The following ANKRD6 variants were observed in gnomAD, a reference collection of about 807,000 sequenced individuals.
ANKRD6 encodes the protein ankyrin repeat domain-containing protein 6.
A neutral mutation model predicts 82.3 loss-of-function variants in ANKRD6; 56 were observed. That is an observed-to-expected ratio of 0.68 (90% CI 0.55 to 0.85). The LOEUF is 0.85. ANKRD6 is among the 40% of genes least tolerant of loss of function. ANKRD6 has a pLI of 0.00. For missense variants in ANKRD6, 852 were observed against 907.6 expected, an observed-to-expected ratio of 0.94 and a Z score of 0.79; for synonymous variants, 347 against 352.1, an observed-to-expected ratio of 0.99 and a Z score of 0.16.
intron 6 of ANKRD6, among the ~76,000 whole-genome samples, chr6:89,613,427 T>C (rs977319378): frequency 2.0e-5 from 3 of 152,192 alleles, no homozygotes; most frequent in Admixed American, 6.5e-5. Context: ...TAAGTCAGTA[T>C]ACTACTGACC....
chr6:89,628,097 A>G (rs763119592), intron 14 of ANKRD6: 17 of 175,790 alleles, frequency 9.7e-5, no homozygotes, highest in Non-Finnish European at 1.8e-4. Context: ...CTAAGCAACC[A>G]GAAGTACTTG....
chr6:89,480,754 A>C (rs1776687874), intron 1 of ANKRD6, among the ~76,000 whole-genome samples: 1 of 151,226 alleles, frequency 6.6e-6, no homozygotes, highest in African/African-American at 2.4e-5. Context: ...TCTGGGCAAC[A>C]TAGTGAGACC....
intron 1 of ANKRD6, among the ~76,000 whole-genome samples, chr6:89,441,527 G>T (rs1358909068): frequency 6.7e-6 from 1 of 150,154 alleles, no homozygotes; most frequent in Non-Finnish European, 1.5e-5. Context: ...TTATGCATAT[G>T]TCAACAAAAA....
At chr6:89,594,812 A>G (rs887539300) in intron 2 of ANKRD6, among the ~76,000 whole-genome samples, 1 of 152,198 alleles carries the variant, frequency 6.6e-6, no homozygotes, top group African/African-American at 2.4e-5. Flanking sequence ...GTACAATCAC[A>G]GTTCACTGCA....
chr6:89,435,371 G>A (rs1026819226), intron 1 of ANKRD6, among the ~76,000 whole-genome samples: 3 of 152,046 alleles, frequency 2.0e-5, no homozygotes, highest in Non-Finnish European at 4.4e-5. Context: ...TCCCACCCAA[G>A]GAACCACTAT....
At chr6:89,617,310 C>G (rs1801830259) in intron 8 of ANKRD6, among the ~76,000 whole-genome samples, 1 of 152,060 alleles carries the variant, frequency 6.6e-6, no homozygotes, top group Non-Finnish European at 1.5e-5. Flanking sequence ...GTATCTAGCT[C>G]CCCTCTTTCT....
At chr6:89,464,220 A>G (rs1294406234) in intron 1 of ANKRD6, among the ~76,000 whole-genome samples, 3 of 152,168 alleles carry the variant, frequency 2.0e-5, no homozygotes, top group Non-Finnish European at 4.4e-5. Context: ...CTAGTAGTCT[A>G]AATTCCTGCC....
intron 1 of ANKRD6, among the ~76,000 whole-genome samples, chr6:89,477,692 A>AC (rs1341480101): frequency 2.7e-5 from 4 of 146,970 alleles, no homozygotes; most frequent in Non-Finnish European, 4.5e-5. Flanking sequence ...AATGGCATGA[A>AC]CCCGGGGGGT....
intron 1 of ANKRD6, among the ~76,000 whole-genome samples, chr6:89,459,267 G>A (rs180722265): frequency 5.3e-5 from 8 of 152,136 alleles, no homozygotes; most frequent in East Asian, 1.9e-4. Context: ...TAGTAGAGAC[G>A]GAGTTTCTCC....
At chr6:89,617,884 G>T in intron 8 of ANKRD6, 70 bp from the exon 9 acceptor site, 1 of 1,478,934 alleles carries the variant, frequency 6.8e-7, no homozygotes, top group Non-Finnish European at 9.4e-7. Flanking sequence ...GGCCAGAGCT[G>T]TGCCAGCTGG....
intron 1 of ANKRD6, among the ~76,000 whole-genome samples, chr6:89,556,332 G>A (rs1786597159): frequency 6.6e-6 from 1 of 152,226 alleles, no homozygotes; most frequent in African/African-American, 2.4e-5. Context: ...TGGGCTCAAT[G>A]GTTCTGTCTT....
At chr6:89,442,821 A>T (rs1405719299) in intron 1 of ANKRD6, among the ~76,000 whole-genome samples, 1 of 152,154 alleles carries the variant, frequency 6.6e-6, no homozygotes, top group Non-Finnish European at 1.5e-5. Context: ...ATGTAGGTGA[A>T]GTCTCATAGG....
chr6:89,561,349 A>G (rs1787384305), intron 1 of ANKRD6: 1 of 152,166 alleles, frequency 6.6e-6, no homozygotes, highest in South Asian at 2.1e-4. Context: ...TGTATTTATA[A>G]TGAGTCATGG....
At chr6:89,605,309 G>A (rs1798260600) in intron 4 of ANKRD6, among the ~76,000 whole-genome samples, 1 of 151,516 alleles carries the variant, frequency 6.6e-6, no homozygotes. Flanking sequence ...TTGAACTCTG[G>A]AGGCAGAGGT....
At chr6:89,629,491 T>C (rs1447482592) in intron 15 of ANKRD6, 9 of 494,348 alleles carry the variant, frequency 1.8e-5, no homozygotes, top group Middle Eastern at 3.3e-4. Flanking sequence ...GGTGATAACA[T>C]TGCCTTGAGT....
chr6:89,436,349 G>A (rs1292308647), intron 1 of ANKRD6, among the ~76,000 whole-genome samples: 1 of 152,132 alleles, frequency 6.6e-6, no homozygotes, highest in Non-Finnish European at 1.5e-5. Context: ...GTATTGTCTT[G>A]GATAGGAATG....
chr6:89,454,427 A>G (rs955924408), intron 1 of ANKRD6, among the ~76,000 whole-genome samples: 5 of 152,218 alleles, frequency 3.3e-5, no homozygotes, highest in African/African-American at 1.2e-4. Flanking sequence ...GAGATCAGGA[A>G]GCAACACAGA....
intron 1 of ANKRD6, among the ~76,000 whole-genome samples, chr6:89,489,064 G>A (rs1037160982): frequency 2.4e-4 from 37 of 152,108 alleles, no homozygotes; most frequent in Admixed American, 2.0e-3. Flanking sequence ...TGTCTCATGC[G>A]TCGCACATTG....
At chr6:89,616,150 C>T (rs1020915153) in intron 7 of ANKRD6, among the ~76,000 whole-genome samples, 2 of 152,204 alleles carry the variant, frequency 1.3e-5, no homozygotes, top group Non-Finnish European at 2.9e-5. Flanking sequence ...AGCACTCAGA[C>T]ACCAAGCAGT....
Sources: gnomAD v4.1 joint callset for allele counts (sites outside exome capture counted in the v4.1 genomes callset) on GRCh38, gnomAD v4.1.1 for gene constraint, MANE v1.5 for transcripts, NCBI Gene and HGNC (gene_info 2026-07-23, HGNC 2026-07-21) for gene names.